SMARCA4: variants seen among roughly 807,000 people sequenced by gnomAD.
SMARCA4 encodes SWI/SNF related BAF chromatin remodeling complex subunit ATPase 4, also known as SWI/SNF-related matrix-associated actin-dependent regulator of chromatin subfamily A member 4.
A neutral mutation model predicts 193.9 loss-of-function variants in SMARCA4; 31 were observed. The ratio of observed to expected loss-of-function variants is 0.16; its 90% CI spans 0.12 to 0.22. The LOEUF (loss-of-function observed/expected upper bound fraction) is 0.22, where lower values mean the gene tolerates loss of function less well. SMARCA4 is among the 10% of genes least tolerant of loss of function. The pLI, the probability that SMARCA4 is intolerant of heterozygous loss-of-function variation, is 1.00. For missense variants in SMARCA4, 1,148 were observed against 2,296.0 expected (o/e 0.50, Z 10.22); for synonymous variants, 942 against 933.1 (o/e 1.01, Z -0.17).
Position 11,058,923 on chromosome 19 carries a change from C to T in SMARCA4, c.4635+34C>T. ...ACCGCTGGGGGTTGGGGATGGGCCA[C>T]TCCCACAGCTGGGCTTTGACCCAAC... is the stretch of plus-strand genomic sequence containing the variant. On this transcript the variant is annotated intron_variant, in intron 32 of 34. Coordinates refer to ENST00000344626, the MANE Select transcript of SMARCA4 (RefSeq NM_003072.5). The surrounding 1 kb of genome is among the most constrained non-coding windows in gnomAD (Gnocchi z 5.8). The T allele has an allele frequency of 2.0e-6, 3 of 1,534,372 alleles. No individual in the cohort carries two copies. The highest frequency in any genetic ancestry group is 2.2e-5 in the South Asian group (2 of 89,508).
intron 14 of SMARCA4, among the ~76,000 whole-genome samples, chr19:11,010,023 A>T (rs1045082753): frequency 6.6e-6 from 1 of 151,822 alleles, no homozygotes; most frequent in Admixed American, 6.6e-5. Flanking sequence ...ATGGGGTTTC[A>T]CCATGTTGGC....
rs927428773 is a variant in SMARCA4 at position 11,033,119 on chromosome 19, G to T, written c.3547-171G>T. ...GTCCCCTTCCCCCGAGGGACACATG[G>T]CGGCCCAGGCTCCACCAGCTCTGTT... On this transcript the variant is annotated intron_variant, in intron 25 of 34. Coordinates refer to ENST00000344626, the MANE Select transcript of SMARCA4 (RefSeq NM_003072.5). The surrounding 1 kb of genome is among the most constrained non-coding windows in gnomAD (Gnocchi z 9.8). 1.5e-6 allele frequency: 1 copy of T among 681,942 alleles called. No individual in the cohort carries two copies. The highest frequency in any genetic ancestry group is 1.8e-5 in the African/African-American group (1 of 56,804). The allele number at this position is 681,942 out of a possible 1,614,324, so 42.2% of individuals were successfully genotyped here.
At chr19:11,036,519 G>A (rs146041894) in intron 29 of SMARCA4, among the ~76,000 whole-genome samples, 2 of 152,164 alleles carry the variant, frequency 1.3e-5, no homozygotes, top group East Asian at 3.8e-4. Flanking sequence ...TCGGCCTGCA[G>A]AGTAGCTGGG....
At chr19:10,996,115 A>T (rs2145963984) in intron 9 of SMARCA4, 98 bp from the exon 10 acceptor site, 1 of 1,215,428 alleles carries the variant, frequency 8.2e-7, no homozygotes, top group Non-Finnish European at 1.2e-6. Flanking sequence ...CGCGTGAGCT[A>T]CGCGTGCCCT....
intron 1 of SMARCA4, among the ~76,000 whole-genome samples, chr19:10,964,394 T>G (rs2084048186): frequency 6.6e-6 from 1 of 151,852 alleles, no homozygotes; most frequent in South Asian, 2.1e-4. Context: ...CACTGCAACC[T>G]CTGCCTCCCG....
intron 22 of SMARCA4, among the ~76,000 whole-genome samples, chr19:11,026,017 C>T (rs1405038374): frequency 6.6e-6 from 1 of 152,170 alleles, no homozygotes; most frequent in Admixed American, 6.5e-5. Context: ...GTCTCAGCAC[C>T]CTGAGCGTGG....
intron 25 of SMARCA4, chr19:11,032,746 C>G (rs1050967940): frequency 5.0e-6 from 1 of 199,452 alleles, no homozygotes; most frequent in African/African-American, 2.3e-5. Flanking sequence ...CTGGGCCACA[C>G]TCCTGGTGCT....
chr19:11,018,437 C>T, intron 16 of SMARCA4: 1 of 285,652 alleles, frequency 3.5e-6, no homozygotes, highest in Non-Finnish European at 6.9e-6. Flanking sequence ...TCCCTCCCAT[C>T]CCTGTCCTCC....
In SMARCA4 at chr19:10,979,209, C is replaced by G. The variant is rs1471315254; in HGVS notation, c.-31-4912C>G. 2.6e-5 allele frequency among the ~76,000 whole-genome samples: 4 copies of G among 151,930 alleles called. No homozygotes were observed. The East Asian group carries it at 7.7e-4, about 29-fold the overall frequency. ...CAACTATTTTGGAAAACTAGCAAAGCTAAGTTTATGCCTCCCTTTATAACC... is the reference window on the plus strand; with the variant it reads ...CAACTATTTTGGAAAACTAGCAAAGGTAAGTTTATGCCTCCCTTTATAACC... On this transcript the variant is annotated intron_variant, in intron 1 of 34. Coordinates refer to ENST00000344626, the MANE Select transcript of SMARCA4 (RefSeq NM_003072.5).
rs2075617047 is a variant in SMARCA4, at chr19:11,041,587, G to A, written c.4424+27G>A. On this transcript the variant is annotated intron_variant, in intron 30 of 34. Coordinates refer to ENST00000344626, the MANE Select transcript of SMARCA4 (RefSeq NM_003072.5). This position sits in a 1 kb window ranked among gnomAD's most constrained non-coding sequence, Gnocchi z 5.6. ...TAAGCGAGGAGGCGGGGAGGGCGGG[G>A]GCTGTAGGGGTCCCCGTGGGAGCAG... is the stretch of plus-strand genomic sequence containing the variant. 3.7e-6 allele frequency: 6 copies of A among 1,606,452 alleles called. No individual in the cohort carries two copies. The highest frequency in any genetic ancestry group is 3.4e-6 in the Non-Finnish European group (4 of 1,176,782).
intron 8 of SMARCA4, among the ~76,000 whole-genome samples, chr19:10,994,318 GTTTTT>G (rs1006312137): frequency 2.0e-5 from 2 of 98,906 alleles, no homozygotes; most frequent in African/African-American, 8.2e-5. Context: ...GATATTCTAG[GTTTTT>G]TTTTTTTTTT....
In SMARCA4 at chr19:10,997,820, G is replaced by T. The variant is rs1332572930; in HGVS notation, c.1812+1276G>T. On this transcript the variant is annotated intron_variant, in intron 11 of 34. Transcript: ENST00000344626. The stretch of plus-strand genomic sequence containing the variant: ...GAGAGTCAAATGCAGACGTGACAGC[G>T]CCTTACCTCCATGTAATTCATTATC... Among the ~76,000 whole-genome samples the T allele has an allele frequency of 3.3e-5, 5 of 152,100 alleles. 1 individual carries two copies. The South Asian group carries it at 1.0e-3, about 32-fold the overall frequency.
chr19:10,971,774 CT>C (rs35918034), intron 1 of SMARCA4, among the ~76,000 whole-genome samples: 263 of 128,406 alleles, frequency 2.0e-3, no homozygotes, highest in Middle Eastern at 4.4e-3. Context: ...ACCCTGAATA[CT>C]TTTTTTTTTT....
chr19:11,041,227 C>T lies in SMARCA4; in HGVS notation c.4171-80C>T, dbSNP rs1260724590. 3.3e-5 allele frequency: 49 copies of T among 1,471,296 alleles called. No homozygotes were observed. In the South Asian group the frequency reaches 4.3e-4, roughly 13 times the overall value. 91.1% of individuals were successfully genotyped at this position (1,471,296 alleles called of 1,614,324 possible). A position where few individuals can be genotyped will look rare whatever the true frequency, so the allele number is the denominator to read the frequency against. On this transcript the variant is annotated intron_variant, in intron 29 of 34. Transcript: ENST00000344626. This position sits in a 1 kb window ranked among gnomAD's most constrained non-coding sequence, Gnocchi z 5.6. ...GGGGGCCCTCCTCCGTGTCCCAGCC[C>T]GGCCCCTGGGATTGCGTCGCGGCCT...
At chr19:10,978,875 G>A (rs1417015930) in intron 1 of SMARCA4, among the ~76,000 whole-genome samples, 1 of 152,032 alleles carries the variant, frequency 6.6e-6, no homozygotes, top group Non-Finnish European at 1.5e-5. Flanking sequence ...CTTGAACCTA[G>A]GAGGCGGAGG....
In SMARCA4 at chr19:11,031,193, G is replaced by A. The variant is rs1192116432; in HGVS notation, c.3546+300G>A. On this transcript the variant is annotated intron_variant, in intron 25 of 34. Coordinates refer to ENST00000344626, the MANE Select transcript of SMARCA4 (RefSeq NM_003072.5). This position sits in a 1 kb window ranked among gnomAD's most constrained non-coding sequence, Gnocchi z 4.3. ...CCCATGAGGAGGTGGAAAGTATCCTGATCAATCTGCGCCGTCACTGTGGGG... is the reference window on the plus strand; with the variant it reads ...CCCATGAGGAGGTGGAAAGTATCCTAATCAATCTGCGCCGTCACTGTGGGG... 2.3e-6 allele frequency: 1 copy of A among 429,912 alleles called. No individual in the cohort carries two copies. Among genetic ancestry groups the A allele is most frequent in the Admixed American group, 3.5e-5 (1 of 28,740 alleles). 26.6% of individuals were successfully genotyped at this position (429,912 alleles called of 1,614,324 possible). A position where few individuals can be genotyped will look rare whatever the true frequency, so the allele number is the denominator to read the frequency against.
At chr19:10,995,943 G>A (rs764148341) in intron 9 of SMARCA4, 68 of 522,012 alleles carry the variant, frequency 1.3e-4, no homozygotes, top group South Asian at 1.9e-4. Context: ...GGTGTATTTC[G>A]TGGACAGAGT....
chr19:11,018,520 G>A (rs1032690077), intron 16 of SMARCA4, among the ~76,000 whole-genome samples: 1 of 152,182 alleles, frequency 6.6e-6, no homozygotes, highest in Non-Finnish European at 1.5e-5. Context: ...GGAACCTTCC[G>A]TGGCTGGAGG....
intron 8 of SMARCA4, among the ~76,000 whole-genome samples, chr19:10,994,334 T>A (rs1031383414): frequency 6.8e-6 from 1 of 146,536 alleles, no homozygotes; most frequent in African/African-American, 2.5e-5. Flanking sequence ...TTTTTTTTTT[T>A]TTTTTTTGAG....
Sources: gnomAD v4.1 joint callset for allele counts (sites outside exome capture counted in the v4.1 genomes callset) on GRCh38, gnomAD v4.1.1 for gene constraint, Gnocchi (gnomAD v3.1) non-coding constraint, MANE v1.5 for transcripts, NCBI Gene and HGNC (gene_info 2026-07-23, HGNC 2026-07-21) for gene names.